FARS2: variants seen among roughly 807,000 people sequenced by gnomAD.
FARS2 encodes phenylalanyl-tRNA synthetase 2, mitochondrial, also known as phenylalanine--tRNA ligase, mitochondrial.
FARS2 carries 40 observed loss-of-function variants against 46.4 expected under a neutral mutation model. That is an observed-to-expected ratio of 0.86 (90% CI 0.67 to 1.12). The LOEUF (loss-of-function observed/expected upper bound fraction) is 1.12. FARS2 is among the 50% of genes most tolerant of loss of function. The pLI is 0.00. For missense variants in FARS2, 513 were observed against 567.9 expected, an observed-to-expected ratio of 0.90 and a Z score of 0.98; for synonymous variants, 234 against 214.9, an observed-to-expected ratio of 1.09 and a Z score of -0.78.
chr6:5,492,711 T>C (rs1188029483), intron 4 of FARS2, among the ~76,000 whole-genome samples: 1 of 152,252 alleles, frequency 6.6e-6, no homozygotes, highest in Non-Finnish European at 1.5e-5. Context: ...TGGCAGTGAA[T>C]ATATGAAAAT....
At chr6:5,478,082 T>C (rs1352839841) in intron 4 of FARS2, among the ~76,000 whole-genome samples, 3 of 61,158 alleles carry the variant, frequency 4.9e-5, no homozygotes, top group African/African-American at 2.9e-4. Flanking sequence ...CCAACACACA[T>C]ACAATAAAAC....
At chr6:5,690,278 G>A (rs868124891) in intron 6 of FARS2, among the ~76,000 whole-genome samples, 115 of 152,282 alleles carry the variant, frequency 7.6e-4, no homozygotes, top group African/African-American at 2.1e-3. Context: ...AGTTGATGCC[G>A]TTTCTTCCTA....
chr6:5,411,261 A>T lies in FARS2; in HGVS notation c.772+6560A>T, dbSNP rs192431253. Among the ~76,000 whole-genome samples the T allele has an allele frequency of 2.4e-3, 372 of 152,304 alleles. 3 individuals are homozygous for T. The highest frequency in any genetic ancestry group is 7.4e-3 in the Admixed American group (113 of 15,286). On this transcript the variant is annotated intron_variant, in intron 3 of 6. Transcript: ENST00000274680. ...GCCCCTGCACTCCAGCCTGGCCAAC[A>T]GACTGAGATCCTGTCTCTTTAAAAC...
intron 5 of FARS2, among the ~76,000 whole-genome samples, chr6:5,593,587 G>A (rs1161026966): frequency 6.6e-6 from 1 of 152,132 alleles, no homozygotes; most frequent in Non-Finnish European, 1.5e-5. Flanking sequence ...TCACATTCAG[G>A]TTCTTCACAC....
chr6:5,358,275 A>G (rs946159957), intron 1 of FARS2, among the ~76,000 whole-genome samples: 3 of 150,740 alleles, frequency 2.0e-5, no homozygotes, highest in African/African-American at 7.3e-5. Context: ...TCATTAGCTG[A>G]ATATTTTTAG....
At chr6:5,454,176 G>T (rs1764681244) in intron 4 of FARS2, among the ~76,000 whole-genome samples, 1 of 139,076 alleles carries the variant, frequency 7.2e-6, no homozygotes, top group African/African-American at 2.6e-5. Flanking sequence ...GTGCCATTTG[G>T]GGTTACTAAG....
At chr6:5,652,281 G>T (rs1328603730) in intron 6 of FARS2, among the ~76,000 whole-genome samples, 2 of 152,234 alleles carry the variant, frequency 1.3e-5, no homozygotes, top group Non-Finnish European at 2.9e-5. Context: ...GTCTCCTGTA[G>T]GTCGTCTGGG....
At chr6:5,329,557 A>G (rs914584349) in intron 1 of FARS2, among the ~76,000 whole-genome samples, 2 of 152,208 alleles carry the variant, frequency 1.3e-5, no homozygotes, top group Non-Finnish European at 1.5e-5. Context: ...GGGTTAGCCC[A>G]GACCCCACAG....
At chr6:5,548,061 A>G (rs948747334) in intron 5 of FARS2, among the ~76,000 whole-genome samples, 10 of 152,214 alleles carry the variant, frequency 6.6e-5, no homozygotes, top group African/African-American at 1.9e-4. Flanking sequence ...CTTACATGGC[A>G]GCAGCAAGAG....
At chr6:5,654,452 C>T (rs1246572724) in intron 6 of FARS2, among the ~76,000 whole-genome samples, 1 of 152,136 alleles carries the variant, frequency 6.6e-6, no homozygotes, top group East Asian at 1.9e-4. Flanking sequence ...CTGATACATC[C>T]TTTGTGGATA....
At chr6:5,508,688 T>C (rs1768249819) in intron 4 of FARS2, among the ~76,000 whole-genome samples, 1 of 152,180 alleles carries the variant, frequency 6.6e-6, no homozygotes, top group Non-Finnish European at 1.5e-5. Flanking sequence ...GGAGATTGCC[T>C]CTGGTGGCAA....
At chr6:5,490,292 A>G (rs754393332) in intron 4 of FARS2, among the ~76,000 whole-genome samples, 1 of 152,322 alleles carries the variant, frequency 6.6e-6, no homozygotes, top group Admixed American at 6.5e-5. Flanking sequence ...TTATCCATTA[A>G]TCAGCTGATG....
intron 5 of FARS2, among the ~76,000 whole-genome samples, chr6:5,594,866 C>T (rs1345594696): frequency 6.6e-6 from 1 of 152,202 alleles, no homozygotes; most frequent in Non-Finnish European, 1.5e-5. Context: ...GAAGCCTCTG[C>T]TCCTGGTTGC....
chr6:5,441,602 A>C (rs538684779), intron 4 of FARS2, among the ~76,000 whole-genome samples: 2 of 152,286 alleles, frequency 1.3e-5, no homozygotes, highest in South Asian at 4.1e-4. Flanking sequence ...TGTTTTTTGC[A>C]GCTTATATTC....
At chr6:5,753,924 C>T (rs974809786) in intron 6 of FARS2, among the ~76,000 whole-genome samples, 4 of 152,214 alleles carry the variant, frequency 2.6e-5, no homozygotes, top group East Asian at 1.9e-4. Flanking sequence ...AGATTGCCTA[C>T]ATAGTGTCTA....
intron 6 of FARS2, among the ~76,000 whole-genome samples, chr6:5,636,949 A>C (rs2150731393): frequency 6.6e-6 from 1 of 152,372 alleles, no homozygotes; most frequent in South Asian, 2.1e-4. Context: ...AGGGCCTCAC[A>C]GGGAGAAACG....
In FARS2 at chr6:5,743,663, G is replaced by C. The variant is rs147141852; in HGVS notation, c.1218-27628G>C. ...TGGCACCGAAGCTGTTTTCACGTTAGGGTGGCTTCATAAGGGAGCACATTG... is the reference window on the plus strand; with the variant it reads ...TGGCACCGAAGCTGTTTTCACGTTACGGTGGCTTCATAAGGGAGCACATTG... On this transcript the variant is annotated intron_variant, in intron 6 of 6. Coordinates refer to ENST00000274680, the MANE Select transcript of FARS2 (RefSeq NM_006567.5). Among the ~76,000 whole-genome samples the C allele has an allele frequency of 2.1e-3, 323 of 152,314 alleles. 4 individuals are homozygous for C. The highest frequency in any genetic ancestry group is 7.3e-3 in the African/African-American group (305 of 41,580).
chr6:5,678,269 A>G (rs1778864131), intron 6 of FARS2, among the ~76,000 whole-genome samples: 2 of 152,150 alleles, frequency 1.3e-5, no homozygotes, highest in African/African-American at 4.8e-5. Flanking sequence ...AGCAGCCAAG[A>G]CTATTTTGTA....
At chr6:5,432,270 C>T (rs1275232997) in intron 4 of FARS2, among the ~76,000 whole-genome samples, 2 of 137,558 alleles carry the variant, frequency 1.5e-5, no homozygotes, top group Non-Finnish European at 3.0e-5. Context: ...GAGCCGAGAT[C>T]GCTATACTGC....
Sources: allele counts gnomAD v4.1 joint callset (sites outside exome capture counted in the v4.1 genomes callset), GRCh38; gene constraint gnomAD v4.1.1; transcripts MANE v1.5; gene names NCBI Gene and HGNC (gene_info 2026-07-23, HGNC 2026-07-21).